Variants in SGCZ observed in about 807,000 individuals in gnomAD.
SGCZ encodes sarcoglycan zeta, also known as zeta-sarcoglycan.
A neutral mutation model predicts 41.3 loss-of-function variants in SGCZ; 40 were observed. That is an observed-to-expected ratio of 0.97 (90% CI 0.75 to 1.26). The LOEUF is 1.26. SGCZ is among the 50% of genes most tolerant of loss of function. The pLI is 0.00. For missense variants in SGCZ, 552 were observed against 369.8 expected, an observed-to-expected ratio of 1.49 and a Z score of -4.04; for synonymous variants, 206 against 137.5, an observed-to-expected ratio of 1.50 and a Z score of -3.49.
At chr8:14,586,764 G>C (rs1057093032) in intron 1 of SGCZ, among the ~76,000 whole-genome samples, 1 of 151,904 alleles carries the variant, frequency 6.6e-6, no homozygotes, top group Non-Finnish European at 1.5e-5. Flanking sequence ...AAATATCTAC[G>C]TTTTAAGCAT....
At chr8:14,862,313 T>A (rs1316091631) in intron 1 of SGCZ, among the ~76,000 whole-genome samples, 2 of 151,814 alleles carry the variant, frequency 1.3e-5, no homozygotes, top group Admixed American at 1.3e-4. Context: ...ACCTGTACTT[T>A]GACCAGGAGT....
chr8:15,137,839 G>A (rs996049737), intron 1 of SGCZ, among the ~76,000 whole-genome samples: 1 of 152,216 alleles, frequency 6.6e-6, no homozygotes, highest in African/African-American at 2.4e-5. Flanking sequence ...GAAATGTGGG[G>A]TTGGAGCCCC....
chr8:15,112,430 C>A (rs570663903), intron 1 of SGCZ, among the ~76,000 whole-genome samples: 1 of 152,322 alleles, frequency 6.6e-6, no homozygotes, highest in South Asian at 2.1e-4. Flanking sequence ...AGAACAATAA[C>A]CTCTGAAGAA....
intron 2 of SGCZ, among the ~76,000 whole-genome samples, chr8:14,479,731 C>CCTTTTTTTTTTTT (rs1801472158): frequency 1.9e-5 from 1 of 52,976 alleles, no homozygotes; most frequent in African/African-American, 5.1e-5. Flanking sequence ...AATTCTACTT[C>CCTTTTTTTTTTTT]TTTTTTTTTT....
At chr8:14,558,590 G>GAGAGAC (rs1804107067) in intron 1 of SGCZ, among the ~76,000 whole-genome samples, 1 of 149,928 alleles carries the variant, frequency 6.7e-6, no homozygotes, top group African/African-American at 2.5e-5. Context: ...GAGAGAGAGA[G>GAGAGAC]AGAGAGAGAG....
chr8:14,161,840 T>C (rs552983584), intron 5 of SGCZ, among the ~76,000 whole-genome samples: 2 of 152,188 alleles, frequency 1.3e-5, no homozygotes, highest in South Asian at 2.1e-4. Flanking sequence ...GTGAAACACA[T>C]ATATGTATAT....
intron 2 of SGCZ, among the ~76,000 whole-genome samples, chr8:14,517,266 T>G (rs1234444491): frequency 1.3e-5 from 2 of 152,104 alleles, no homozygotes; most frequent in African/African-American, 4.8e-5. Flanking sequence ...TCTTTGACTC[T>G]AAGGGACTTA....
intron 4 of SGCZ, among the ~76,000 whole-genome samples, chr8:14,224,883 C>T (rs2117131682): frequency 6.6e-6 from 1 of 152,266 alleles, no homozygotes; most frequent in East Asian, 1.9e-4. Flanking sequence ...CCAACGTTTT[C>T]CTCAAGCCAC....
At chr8:14,451,271 G>A (rs1021669452) in intron 2 of SGCZ, among the ~76,000 whole-genome samples, 25 of 152,172 alleles carry the variant, frequency 1.6e-4, no homozygotes, top group Middle Eastern at 3.4e-3. Flanking sequence ...TCTGTCCTAC[G>A]TTCATTTTTG....
chr8:14,798,110 A>G (rs758067354), intron 1 of SGCZ, among the ~76,000 whole-genome samples: 5 of 152,232 alleles, frequency 3.3e-5, no homozygotes, highest in Non-Finnish European at 7.3e-5. Context: ...TCAAATAAAT[A>G]CTATCCCTGT....
At chr8:14,560,179 C>T (rs1197013412) in intron 1 of SGCZ, among the ~76,000 whole-genome samples, 1 of 151,924 alleles carries the variant, frequency 6.6e-6, no homozygotes, top group Non-Finnish European at 1.5e-5. Flanking sequence ...TAATTTATTG[C>T]ACATTTCAAA....
intron 3 of SGCZ, among the ~76,000 whole-genome samples, chr8:14,240,139 C>T (rs1190585027): frequency 2.0e-5 from 3 of 151,166 alleles, no homozygotes; most frequent in East Asian, 2.0e-4. Flanking sequence ...CCAGCCTGGC[C>T]AACATGGCCA....
intron 2 of SGCZ, among the ~76,000 whole-genome samples, chr8:14,445,332 C>A (rs924575625): frequency 3.9e-5 from 6 of 152,122 alleles, no homozygotes; most frequent in African/African-American, 1.2e-4. Context: ...TCGAATGTTG[C>A]CTTTTCCAAA....
At chr8:14,477,608 G>T (rs1338452544) in intron 2 of SGCZ, among the ~76,000 whole-genome samples, 1 of 152,064 alleles carries the variant, frequency 6.6e-6, no homozygotes, top group Non-Finnish European at 1.5e-5. Flanking sequence ...TATACAAAAG[G>T]TTAATAAATG....
chr8:15,026,035 T>G lies in SGCZ; in HGVS notation c.39+211550A>C, dbSNP rs139905154. ...TCAGAAGTAATTCTAAAAACTTAAATATACAAAATTAACAAAAGTCATACT... is the reference window on the plus strand; with the variant it reads ...TCAGAAGTAATTCTAAAAACTTAAAGATACAAAATTAACAAAAGTCATACT... On this transcript the variant is annotated intron_variant, in intron 1 of 7. Coordinates refer to ENST00000382080, the MANE Select transcript of SGCZ (RefSeq NM_139167.4). 5.6e-3 allele frequency among the ~76,000 whole-genome samples: 845 copies of G among 152,100 alleles called. 6 individuals are homozygous for G. Among genetic ancestry groups the G allele is most frequent in the African/African-American group, 0.019 (808 of 41,494 alleles).
intron 1 of SGCZ, among the ~76,000 whole-genome samples, chr8:14,814,797 G>A (rs1433594621): frequency 6.6e-6 from 1 of 151,998 alleles, no homozygotes; most frequent in Admixed American, 6.6e-5. Context: ...AAGGTATTAT[G>A]ACTGAAAACA....
At chr8:15,051,508 A>G (rs2130993921) in intron 1 of SGCZ, among the ~76,000 whole-genome samples, 1 of 152,008 alleles carries the variant, frequency 6.6e-6, no homozygotes, top group South Asian at 2.1e-4. Context: ...ATATGCGTAT[A>G]TTTTCCTTGA....
At chr8:14,745,129 G>C (rs889392087) in intron 1 of SGCZ, among the ~76,000 whole-genome samples, 1 of 151,966 alleles carries the variant, frequency 6.6e-6, no homozygotes, top group Non-Finnish European at 1.5e-5. Flanking sequence ...CAGTTTCACT[G>C]TGTCTCTACC....
chr8:14,529,332 C>G (rs1243971367), intron 2 of SGCZ, among the ~76,000 whole-genome samples: 1 of 152,134 alleles, frequency 6.6e-6, no homozygotes, highest in Non-Finnish European at 1.5e-5. Context: ...TACTTATATG[C>G]CCTGTATTCC....
Sources: gnomAD v4.1 joint callset for allele counts (sites outside exome capture counted in the v4.1 genomes callset) on GRCh38, gnomAD v4.1.1 for gene constraint, MANE v1.5 for transcripts, NCBI Gene and HGNC (gene_info 2026-07-23, HGNC 2026-07-21) for gene names.